Variants in KARS1 observed in about 807,000 individuals in gnomAD.
KARS1 encodes lysyl-tRNA synthetase 1.
Under a neutral mutation model 63.9 loss-of-function variants are expected in KARS1, and 50 were observed. That is an observed-to-expected ratio of 0.78 (90% CI 0.62 to 0.99). KARS1 has a LOEUF of 0.99. Among genes scored for constraint, KARS1 ranks in the 50% least tolerant of loss-of-function variants. The pLI is 0.00. For missense variants in KARS1, 816 were observed against 754.5 expected (o/e 1.08, Z -0.95); for synonymous variants, 320 against 264.6 (o/e 1.21, Z -2.03).
At chr16:75,632,967 T>G (rs1442295480) in intron 7 of KARS1, among the ~76,000 whole-genome samples, 1 of 152,140 alleles carries the variant, frequency 6.6e-6, no homozygotes, top group Admixed American at 6.5e-5. Context: ...GCTTCCCCAG[T>G]TAAGTCTGTT....
chr16:75,644,546 G>C, intron 1 of KARS1: 1 of 975,712 alleles, frequency 1.0e-6, no homozygotes, highest in Middle Eastern at 3.1e-4. Flanking sequence ...GTTGGGGAGG[G>C]GGACCATGCT....
At chr16:75,644,459 C>A in intron 1 of KARS1, 1 of 1,591,264 alleles carries the variant, frequency 6.3e-7, no homozygotes. Flanking sequence ...ATGATTACCA[C>A]CACCTAGCGG....
rs1324154019 is a variant in KARS1, at chr16:75,640,343, A to G, written c.229T>C (p.Tyr77His). 2.6e-6 allele frequency: 4 copies of G among 1,550,292 alleles called. No individual in the cohort carries two copies. Among genetic ancestry groups the G allele is most frequent in the Middle Eastern group, 1.8e-4 (1 of 5,416 alleles). The change falls in exon 3 of 14, where the codon TAC (tyrosine) becomes CAC (histidine). Residue 77 changes from tyrosine to histidine, a missense_variant. Coordinates refer to ENST00000302445, the MANE Select transcript of KARS1 (RefSeq NM_005548.3). ...TGAATTGCTTGACTGCGGATTTTGT[A>G]GTATTGCTGTTAAAAAAAAAAAAAA... Reference protein sequence around the residue: ...EEESVDPNQYYKIRSQAIHQL... With the variant: ...EEESVDPNQYHKIRSQAIHQL...
At chr16:75,639,623 A>C (rs1019046209) in intron 3 of KARS1, among the ~76,000 whole-genome samples, 2 of 151,976 alleles carry the variant, frequency 1.3e-5, no homozygotes, top group Non-Finnish European at 2.9e-5. Flanking sequence ...ACTTTAAAGA[A>C]GAAATCTTTT....
At position 75,631,538 on chromosome 16, in the gene KARS1, C is replaced by CCATCTGGGT; in HGVS notation, c.1121_1129dup (p.Asp376_Gly377insAspProAsp). On this transcript the variant is annotated inframe_insertion, in exon 9 of 14. Coordinates refer to ENST00000302445, the MANE Select transcript of KARS1 (RefSeq NM_005548.3). ...AACATCGTAGGCTTGGCCCTCTGGG[C>CCATCTGGGT]CATCTGGGTGGTAGGTGACCTTGTA... The CCATCTGGGT allele has an allele frequency of 1.2e-6, 2 of 1,614,100 alleles. No homozygotes were observed. The highest frequency in any genetic ancestry group is 1.7e-6 in the Non-Finnish European group (2 of 1,180,010).
chr16:75,644,295 GA>G (rs2082256460), intron 1 of KARS1: 2 of 1,601,886 alleles, frequency 1.2e-6, no homozygotes, highest in Admixed American at 3.4e-5. Context: ...TCTTTGATCA[GA>G]AAATGACTTG....
chr16:75,630,090 C>G (rs2082095059), intron 11 of KARS1, among the ~76,000 whole-genome samples: 1 of 152,190 alleles, frequency 6.6e-6, no homozygotes, highest in Non-Finnish European at 1.5e-5. Flanking sequence ...GGGTTATCAC[C>G]AGAGGCTTGA....
Position 75,640,434 on chromosome 16 carries a change from GCCC to G in KARS1, c.223-88_223-86del, listed in dbSNP as rs1308984049. On this transcript the variant is annotated intron_variant, in intron 2 of 13. Coordinates refer to ENST00000302445, the MANE Select transcript of KARS1 (RefSeq NM_005548.3). ...CCCACCTAGCAGAGGGCAGTATTCTGCCCCCGAGTGACCCCAATACATTGTTTT... is the reference window on the plus strand; with the variant it reads ...CCCACCTAGCAGAGGGCAGTATTCTGCCGAGTGACCCCAATACATTGTTTT... 42 of 1,248,998 alleles carry G rather than the reference GCCC, an allele frequency of 3.4e-5. 2 individuals are homozygous for G. The South Asian group carries it at 3.4e-4, about 10-fold the overall frequency. The allele number at this position is 1,248,998 out of a possible 1,614,324, so 77.4% of individuals were successfully genotyped here.
intron 12 of KARS1, 98 bp downstream of exon 12, chr16:75,629,317 T>C (rs2082084367): frequency 2.0e-6 from 3 of 1,486,412 alleles, no homozygotes; most frequent in Non-Finnish European, 2.8e-6. Context: ...CTTTCACTTC[T>C]GAAGTCACCA....
intron 4 of KARS1, 72 bp downstream of exon 4, chr16:75,636,382 G>T: frequency 1.0e-6 from 1 of 988,064 alleles, no homozygotes; most frequent in Non-Finnish European, 1.6e-6. Context: ...ATACCAGTAA[G>T]ACCACATCAG....
chr16:75,630,598 G>A, intron 10 of KARS1, 90 bp from the exon 11 acceptor site: 1 of 766,936 alleles, frequency 1.3e-6, no homozygotes, highest in South Asian at 1.4e-5. Context: ...CTCCCATCCA[G>A]ATGGGTTTAT....
intron 7 of KARS1, 191 bp downstream of exon 7, chr16:75,633,982 C>T (rs1412785457): frequency 3.0e-6 from 2 of 677,286 alleles, no homozygotes; most frequent in Admixed American, 1.9e-5. Context: ...TGGTCTCTGC[C>T]CTACAATGCT....
intron 7 of KARS1, among the ~76,000 whole-genome samples, chr16:75,633,543 A>T (rs1179778169): frequency 6.8e-6 from 1 of 146,216 alleles, no homozygotes; most frequent in Non-Finnish European, 1.5e-5. Context: ...TTTGAGACGA[A>T]GTCTCATTCT....
intron 2 of KARS1, 141 bp downstream of exon 2, chr16:75,641,423 T>G: frequency 1.4e-6 from 1 of 692,232 alleles, no homozygotes; most frequent in Non-Finnish European, 2.5e-6. Context: ...TTTAACCAGA[T>G]GCAGTGGGAG....
intron 11 of KARS1, among the ~76,000 whole-genome samples, chr16:75,630,147 G>C (rs941834528): frequency 3.3e-5 from 5 of 152,196 alleles, no homozygotes; most frequent in African/African-American, 9.7e-5. Context: ...CTTCCCCTTA[G>C]AGCCCAACCA....
At chr16:75,635,586 GAC>G in intron 6 of KARS1, 92 bp downstream of exon 6, 1 of 1,387,392 alleles carries the variant, frequency 7.2e-7, no homozygotes, top group South Asian at 1.2e-5. Context: ...GAAGGATCCT[GAC>G]ACAGGATACG....
chr16:75,640,572 G>C (rs1006690357), intron 2 of KARS1, among the ~76,000 whole-genome samples: 2 of 152,312 alleles, frequency 1.3e-5, no homozygotes, highest in East Asian at 3.9e-4. Context: ...TCAACAAAAA[G>C]AAAAACCTGA....
chr16:75,647,345 AG>A, intron 1 of KARS1: 2 of 618,074 alleles, frequency 3.2e-6, no homozygotes, highest in South Asian at 3.7e-5. Context: ...TCTTAACTCT[AG>A]GAGTATGATA....
chr16:75,643,520 G>A (rs1319378119), intron 1 of KARS1, among the ~76,000 whole-genome samples: 3 of 152,012 alleles, frequency 2.0e-5, no homozygotes, highest in African/African-American at 7.2e-5. Context: ...TGGGACTACA[G>A]GTGCCCGCCA....
Sources: gnomAD v4.1 joint callset for allele counts (sites outside exome capture counted in the v4.1 genomes callset) on GRCh38, gnomAD v4.1.1 for gene constraint, MANE v1.5 for transcripts, NCBI Gene and HGNC (gene_info 2026-07-23, HGNC 2026-07-21) for gene names.